KIF16B: variants seen among roughly 807,000 people sequenced by gnomAD.
KIF16B encodes kinesin family member 16B, also known as kinesin-like protein KIF16B.
A neutral mutation model predicts 156.3 loss-of-function variants in KIF16B; 98 were observed. That is an observed-to-expected ratio of 0.63 (90% CI 0.53 to 0.74). The LOEUF (loss-of-function observed/expected upper bound fraction) is 0.74. KIF16B is among the 30% of genes least tolerant of loss of function. The probability of loss-of-function intolerance (pLI) is 0.00; values close to 1 mark genes in which losing one functional copy is unlikely to be tolerated. For synonymous variants in KIF16B, 564 were observed against 583.7 expected (o/e 0.97, Z 0.49); for missense variants, 1,421 against 1,606.5 (o/e 0.88, Z 1.97).
At chr20:16,566,300 A>AAG (rs1202182000) in intron 1 of KIF16B, among the ~76,000 whole-genome samples, 1 of 152,220 alleles carries the variant, frequency 6.6e-6, no homozygotes, top group African/African-American at 2.4e-5. Context: ...CTTGAACCTC[A>AAG]GTCTTGCGTC....
At chr20:16,536,657 T>C (rs576771039) in intron 1 of KIF16B, among the ~76,000 whole-genome samples, 58 of 152,306 alleles carry the variant, frequency 3.8e-4, no homozygotes, top group Admixed American at 2.4e-3. Flanking sequence ...TCTATGATGG[T>C]TGGAGCTATT....
intron 12 of KIF16B, among the ~76,000 whole-genome samples, chr20:16,463,555 A>AAC (rs199989582): frequency 3.3e-5 from 5 of 152,070 alleles, no homozygotes; most frequent in Admixed American, 2.6e-4. Flanking sequence ...TCTACACACA[A>AAC]ACACACACAC....
Position 16,325,218 on chromosome 20 carries a change from A to T in KIF16B, c.3711+10708T>A, listed in dbSNP as rs897524584. ...ATATACTGAACAGAGAAAAGGTGAA[A>T]GCATTCCCACTGAGAACTGGAGCAA... On this transcript the variant is annotated intron_variant, in intron 24 of 25. Coordinates refer to ENST00000354981, the MANE Select transcript of KIF16B (RefSeq NM_024704.5). 3.3e-5 allele frequency among the ~76,000 whole-genome samples: 5 copies of T among 152,062 alleles called. No homozygotes were observed. In the East Asian group the frequency reaches 7.7e-4, roughly 23 times the overall value.
chr20:16,477,614 T>C (rs1459144887), intron 12 of KIF16B, among the ~76,000 whole-genome samples: 1 of 152,202 alleles, frequency 6.6e-6, no homozygotes. Context: ...AAGATAGTCA[T>C]AAACATTCTG....
chr20:16,410,096 T>TATATATATGTAGGTAC (rs2065902700), intron 15 of KIF16B, among the ~76,000 whole-genome samples: 1 of 91,490 alleles, frequency 1.1e-5, no homozygotes, highest in Non-Finnish European at 2.0e-5. Context: ...TGTAGGTACA[T>TATATATATGTAGGTAC]ATATATATAT....
intron 1 of KIF16B, among the ~76,000 whole-genome samples, chr20:16,563,541 CA>C (rs1294324747): frequency 6.6e-6 from 1 of 152,168 alleles, no homozygotes; most frequent in African/African-American, 2.4e-5. Flanking sequence ...CTTAGAAAAA[CA>C]GTCAAGAAAC....
intron 3 of KIF16B, among the ~76,000 whole-genome samples, chr20:16,519,489 T>C (rs924303831): frequency 2.6e-5 from 4 of 152,186 alleles, no homozygotes; most frequent in African/African-American, 4.8e-5. Context: ...ACATTTACAT[T>C]GTCTCAGAAA....
Position 16,368,788 on chromosome 20 carries a change from C to T in KIF16B, c.3498+1798G>A, listed in dbSNP as rs368504438. 6.0e-4 allele frequency: 590 copies of T among 985,846 alleles called. 8 individuals are homozygous for T. In the South Asian group the frequency reaches 0.025, roughly 42 times the overall value. 61.1% of individuals were successfully genotyped at this position (985,846 alleles called of 1,614,324 possible). A position where few individuals can be genotyped will look rare whatever the true frequency, so the allele number is the denominator to read the frequency against. On this transcript the variant is annotated intron_variant, in intron 22 of 25. Coordinates refer to ENST00000354981, the MANE Select transcript of KIF16B (RefSeq NM_024704.5). Reference sequence around the variant, plus strand: ...AGACAGAACCAAGCAGAGCACCTTGCCTTGCCTGGCCTGCTTGCCTCCGCT... The same window carrying T: ...AGACAGAACCAAGCAGAGCACCTTGTCTTGCCTGGCCTGCTTGCCTCCGCT...
In KIF16B at chr20:16,410,002, TATATATATGTAGGTAC is replaced by T. The variant is rs1220750342; in HGVS notation, c.1613-3562_1613-3547del. ...ATATATATATATATATGTAGGTACA[TATATATATGTAGGTAC>T]ATATATATATGTAGGTACATATATA... On this transcript the variant is annotated intron_variant, in intron 15 of 25. Transcript: ENST00000354981. Among the ~76,000 whole-genome samples, 48 of 122,734 alleles carry T rather than the reference TATATATATGTAGGTAC, an allele frequency of 3.9e-4. 4 individuals carry two copies. Among genetic ancestry groups the T allele is most frequent in the African/African-American group, 1.3e-3 (42 of 31,306 alleles). The allele number at this position is 122,734 out of a possible 152,430, so 80.5% of individuals were successfully genotyped here.
At chr20:16,371,284 GGTCATC>G (rs1211285961) in intron 21 of KIF16B, among the ~76,000 whole-genome samples, 7 of 152,074 alleles carry the variant, frequency 4.6e-5, no homozygotes, top group Non-Finnish European at 1.0e-4. Flanking sequence ...TTATCTTCAA[GGTCATC>G]TTGAAAGACA....
At chr20:16,305,086 C>T (rs2063522737) in intron 25 of KIF16B, among the ~76,000 whole-genome samples, 2 of 152,222 alleles carry the variant, frequency 1.3e-5, no homozygotes, top group East Asian at 3.9e-4. Context: ...TAGTTAACAT[C>T]TCCCATTAGA....
chr20:16,544,444 T>C (rs1187688650), intron 1 of KIF16B, among the ~76,000 whole-genome samples: 2 of 151,898 alleles, frequency 1.3e-5, no homozygotes, highest in Non-Finnish European at 2.9e-5. Context: ...ACCCCGTCTC[T>C]ACTAAAAATA....
chr20:16,382,349 C>T (rs1349350771), intron 17 of KIF16B, among the ~76,000 whole-genome samples: 1 of 152,164 alleles, frequency 6.6e-6, no homozygotes, highest in Non-Finnish European at 1.5e-5. Flanking sequence ...TTTTACACTT[C>T]TCACACTTCT....
At chr20:16,438,876 A>G (rs2066718547) in intron 12 of KIF16B, among the ~76,000 whole-genome samples, 1 of 152,218 alleles carries the variant, frequency 6.6e-6, no homozygotes, top group Non-Finnish European at 1.5e-5. Context: ...GTAATATGTA[A>G]TCCTTCAGGT....
At chr20:16,489,150 G>C (rs1461422423) in intron 12 of KIF16B, among the ~76,000 whole-genome samples, 1 of 152,176 alleles carries the variant, frequency 6.6e-6, no homozygotes, top group East Asian at 1.9e-4. Context: ...ATTTCCCGAG[G>C]GCAAGGCTAT....
chr20:16,382,044 G>A (rs768040270), intron 17 of KIF16B: 70 of 1,146,086 alleles, frequency 6.1e-5, no homozygotes, highest in African/African-American at 1.3e-4. Context: ...TGATAAGCAC[G>A]TCTACTCCAT....
chr20:16,558,585 G>A (rs2070940050), intron 1 of KIF16B, among the ~76,000 whole-genome samples: 1 of 152,184 alleles, frequency 6.6e-6, no homozygotes, highest in South Asian at 2.1e-4. Flanking sequence ...AAACTTCTTT[G>A]GTATCTTTAG....
chr20:16,548,738 G>A (rs904059806), intron 1 of KIF16B, among the ~76,000 whole-genome samples: 1 of 152,156 alleles, frequency 6.6e-6, no homozygotes, highest in Admixed American at 6.5e-5. Context: ...GACCACTGCT[G>A]TAGAAGATCC....
chr20:16,410,323 A>ATG (rs372810868), intron 15 of KIF16B, among the ~76,000 whole-genome samples: 15,475 of 146,080 alleles, frequency 0.11, 1,000 homozygotes, highest in Non-Finnish European at 0.16. Context: ...GTGTGTGTAT[A>ATG]TGTGTGTGTG....
Sources: gnomAD v4.1 joint callset for allele counts (sites outside exome capture counted in the v4.1 genomes callset) on GRCh38, gnomAD v4.1.1 for gene constraint, MANE v1.5 for transcripts, NCBI Gene and HGNC (gene_info 2026-07-23, HGNC 2026-07-21) for gene names.